Variants in NCKAP5 observed in about 807,000 individuals in gnomAD.
NCKAP5 encodes nck-associated protein 5.
A neutral mutation model predicts 167.0 loss-of-function variants in NCKAP5; 92 were observed. The ratio of observed to expected loss-of-function variants is 0.55; its 90% CI spans 0.47 to 0.66. NCKAP5 has a LOEUF of 0.66. Among genes scored for constraint, NCKAP5 ranks in the 30% least tolerant of loss-of-function variants. The probability of loss-of-function intolerance (pLI) is 0.00; values close to 1 mark genes in which losing one functional copy is unlikely to be tolerated. For synonymous variants in NCKAP5, 891 were observed against 877.4 expected (o/e 1.02, Z -0.27); for missense variants, 2,378 against 2,315.0 (o/e 1.03, Z -0.56).
intron 6 of NCKAP5, among the ~76,000 whole-genome samples, chr2:133,015,477 C>T (rs965266178): frequency 6.6e-6 from 1 of 152,106 alleles, no homozygotes; most frequent in African/African-American, 2.4e-5. Context: ...CTCCACAAAG[C>T]CTTCCTTGAT....
chr2:133,634,591 GTAA>G, the NCKAP5 span, among the ~76,000 whole-genome samples: 1 of 152,080 alleles, frequency 6.6e-6, no homozygotes, highest in Non-Finnish European at 1.5e-5. Context: ...AGTTTTCCAA[GTAA>G]TAACACTTTT....
chr2:133,563,697 A>G (rs1398761597), intron 1 of NCKAP5, among the ~76,000 whole-genome samples: 1 of 151,748 alleles, frequency 6.6e-6, no homozygotes, highest in Non-Finnish European at 1.5e-5. Context: ...GCCAGTTTGA[A>G]TGGGTGGAAG....
In NCKAP5 at chr2:133,167,551, G is replaced by A. The variant is rs146355197; in HGVS notation, c.208-37440C>T. On this transcript the variant is annotated intron_variant, in intron 5 of 19. Coordinates refer to ENST00000409261, the MANE Select transcript of NCKAP5 (RefSeq NM_207363.3). ...GGATATTTTAGAGCATCATTTTCAAGGTTAAGAGACCTGCTTGAAGTAGTA... is the reference window on the plus strand; with the variant it reads ...GGATATTTTAGAGCATCATTTTCAAAGTTAAGAGACCTGCTTGAAGTAGTA... Among the ~76,000 whole-genome samples, 35 of 152,236 alleles carry A rather than the reference G, an allele frequency of 2.3e-4. No individual in the cohort carries two copies. In the East Asian group the frequency reaches 6.8e-3, roughly 29 times the overall value.
At chr2:133,427,411 T>C (rs998794183) in intron 3 of NCKAP5, among the ~76,000 whole-genome samples, 2 of 152,204 alleles carry the variant, frequency 1.3e-5, no homozygotes, top group Admixed American at 1.3e-4. Context: ...GTTATAGTTT[T>C]AAAATAGGCA....
chr2:132,693,552 C>T (rs955324950), intron 19 of NCKAP5, among the ~76,000 whole-genome samples: 7 of 149,852 alleles, frequency 4.7e-5, no homozygotes, highest in South Asian at 4.2e-4. Flanking sequence ...AGGGCCCTGC[C>T]GACACCTGGA....
intron 5 of NCKAP5, among the ~76,000 whole-genome samples, chr2:133,131,763 GTTAA>G (rs951319538): frequency 4.6e-5 from 7 of 152,188 alleles, no homozygotes; most frequent in African/African-American, 1.7e-4. Context: ...AGATAAATGG[GTTAA>G]TTAAAGTTAA....
At chr2:133,630,824 A>G in the NCKAP5 span, among the ~76,000 whole-genome samples, 1 of 152,194 alleles carries the variant, frequency 6.6e-6, no homozygotes, top group African/African-American at 2.4e-5. Flanking sequence ...TTCTTTGCCA[A>G]TCTACAGAAT....
chr2:133,196,821 G>GT lies in NCKAP5; in HGVS notation c.207+16894dup, dbSNP rs547419821. 4.6e-5 allele frequency among the ~76,000 whole-genome samples: 7 copies of GT among 152,224 alleles called. No homozygotes were observed. In the South Asian group the frequency reaches 1.5e-3, roughly 32 times the overall value. On this transcript the variant is annotated intron_variant, in intron 5 of 19. Coordinates refer to ENST00000409261, the MANE Select transcript of NCKAP5 (RefSeq NM_207363.3). ...GAGAAGCAGGGACTTACAATGTTTA[G>GT]TTTTTTCCTAGTTTCCCTTCTCTTG...
At chr2:132,963,994 C>T in intron 7 of NCKAP5, 125 bp from the exon 8 acceptor site, 1 of 1,095,884 alleles carries the variant, frequency 9.1e-7, no homozygotes, top group Non-Finnish European at 1.3e-6. Context: ...GTTTGCTAAA[C>T]AAATTCTGAG....
chr2:132,947,695 C>T (rs946988192), intron 8 of NCKAP5, among the ~76,000 whole-genome samples: 1 of 152,116 alleles, frequency 6.6e-6, no homozygotes, highest in African/African-American at 2.4e-5. Context: ...GGCTCACTGT[C>T]TCAGCCCTCC....
intron 16 of NCKAP5, among the ~76,000 whole-genome samples, chr2:132,737,590 A>T (rs1485823007): frequency 6.6e-6 from 1 of 151,994 alleles, no homozygotes; most frequent in Non-Finnish European, 1.5e-5. Flanking sequence ...GAAAATCCCC[A>T]CTCATCTCAC....
intron 6 of NCKAP5, among the ~76,000 whole-genome samples, chr2:133,077,069 T>C (rs988767434): frequency 1.3e-5 from 2 of 152,180 alleles, no homozygotes; most frequent in Non-Finnish European, 2.9e-5. Flanking sequence ...TTTTTGGATA[T>C]TCTTATTTTA....
At chr2:133,652,138 T>C in the NCKAP5 span, among the ~76,000 whole-genome samples, 1 of 152,180 alleles carries the variant, frequency 6.6e-6, no homozygotes, top group Non-Finnish European at 1.5e-5. Context: ...CTGATAAGTA[T>C]ACAAAGTTTG....
At chr2:133,493,657 T>C (rs757735300) in intron 3 of NCKAP5, among the ~76,000 whole-genome samples, 11 of 152,222 alleles carry the variant, frequency 7.2e-5, no homozygotes, top group Admixed American at 7.2e-4. Flanking sequence ...TCATTTTATA[T>C]CACAGTTGCA....
chr2:133,475,604 T>C (rs1251656723), intron 3 of NCKAP5, among the ~76,000 whole-genome samples: 1 of 152,218 alleles, frequency 6.6e-6, no homozygotes, highest in Non-Finnish European at 1.5e-5. Flanking sequence ...CGATATCTTA[T>C]TCCATACATC....
chr2:132,941,286 A>G (rs1157410007), intron 8 of NCKAP5, among the ~76,000 whole-genome samples: 2 of 152,214 alleles, frequency 1.3e-5, no homozygotes, highest in Non-Finnish European at 2.9e-5. Context: ...CCATTCCAGC[A>G]CTATCAGCAT....
At chr2:133,014,630 C>G (rs902697075) in intron 6 of NCKAP5, among the ~76,000 whole-genome samples, 1 of 152,178 alleles carries the variant, frequency 6.6e-6, no homozygotes, top group African/African-American at 2.4e-5. Context: ...GTTCACTTAC[C>G]ATGTTTGTAA....
the NCKAP5 span, among the ~76,000 whole-genome samples, chr2:133,652,094 T>C: frequency 1.3e-5 from 2 of 152,190 alleles, no homozygotes; most frequent in Admixed American, 6.5e-5. Flanking sequence ...AATGGCTTAG[T>C]GACTCACCTT....
chr2:132,748,743 A>G (rs995613214), intron 16 of NCKAP5, among the ~76,000 whole-genome samples: 2 of 149,602 alleles, frequency 1.3e-5, no homozygotes, highest in Admixed American at 6.7e-5. Context: ...TTCAATTACT[A>G]CTCCCTTATG....
Sources: allele counts gnomAD v4.1 joint callset (sites outside exome capture counted in the v4.1 genomes callset), GRCh38; gene constraint gnomAD v4.1.1; transcripts MANE v1.5; gene names NCBI Gene and HGNC (gene_info 2026-07-23, HGNC 2026-07-21).